NOD1: variants seen among roughly 807,000 people sequenced by gnomAD.
NOD1 encodes the protein nucleotide-binding oligomerization domain-containing protein 1.
A neutral mutation model predicts 81.2 loss-of-function variants in NOD1; 70 were observed. That is an observed-to-expected ratio of 0.86 (90% confidence interval 0.71 to 1.05). NOD1 has a LOEUF of 1.05. Ranked by LOEUF, NOD1 falls within the 50% of genes least tolerant of loss-of-function variation. NOD1 has a pLI of 0.00. For synonymous variants in NOD1, 508 were observed against 526.9 expected (o/e 0.96, Z 0.49); for missense variants, 1,233 against 1,228.0 (o/e 1.00, Z -0.06).
intron 13 of NOD1, 60 bp from the exon 14 acceptor site, chr7:30,425,770 C>A: frequency 4.3e-6 from 5 of 1,157,612 alleles, no homozygotes; most frequent in Non-Finnish European, 6.5e-6. Context: ...CTCGCACACT[C>A]CTTCCCAAGG....
At chr7:30,461,795 G>C (rs1048378915) in intron 1 of NOD1, among the ~76,000 whole-genome samples, 10 of 152,218 alleles carry the variant, frequency 6.6e-5, no homozygotes, top group Admixed American at 2.0e-4. Flanking sequence ...CGGGAGTGCA[G>C]TGGCACAATC....
At position 30,447,019 on chromosome 7, in the gene NOD1, C is replaced by T. The variant is rs1355659799; in HGVS notation, c.2317G>A (p.Ala773Thr). The T allele has an allele frequency of 6.2e-7, 1 of 1,614,182 alleles. No homozygotes were observed. Among genetic ancestry groups the T allele is most frequent in the Non-Finnish European group, 8.5e-7 (1 of 1,180,000 alleles). The change falls in exon 8 of 14, where the codon GCC (alanine) becomes ACC (threonine). Residue 773 changes from alanine to threonine, a missense_variant. Transcript: ENST00000222823. ...LYNNQITDVG[A>T]RYVTKILDEC... Reference sequence around the variant, plus strand: ...TCCAGGATTTTGGTGACGTACCTGGCTCCGACATCGGTGATCTGGTTGTTG... The same window carrying T: ...TCCAGGATTTTGGTGACGTACCTGGTTCCGACATCGGTGATCTGGTTGTTG...
intron 9 of NOD1, among the ~76,000 whole-genome samples, chr7:30,439,345 C>A (rs894086413): frequency 1.8e-4 from 26 of 141,332 alleles, no homozygotes; most frequent in Non-Finnish European, 3.0e-4. Context: ...TCTGAGGTAC[C>A]GGGTTCATCT....
chr7:30,460,241 C>T (rs1786884362), intron 1 of NOD1, 200 bp from the exon 2 acceptor site: 1 of 985,408 alleles, frequency 1.0e-6, no homozygotes, highest in Non-Finnish European at 1.2e-6. Flanking sequence ...AGACCAAAAC[C>T]ATACCATGGG....
At chr7:30,470,310 CA>C (rs1465139621) in intron 1 of NOD1, among the ~76,000 whole-genome samples, 1 of 152,234 alleles carries the variant, frequency 6.6e-6, no homozygotes, top group Non-Finnish European at 1.5e-5. Flanking sequence ...CCGTGACCTA[CA>C]AGAGGGCAGC....
At position 30,452,300 on chromosome 7, in the gene NOD1, G is replaced by T; in HGVS notation, c.1117C>A (p.Arg373Ser). The change falls in exon 6 of 14, where the codon CGC (arginine) becomes AGC (serine). Residue 373 changes from arginine (R) to serine (S), a missense_variant. Transcript: ENST00000222823. ...TTGGCCTCCAGCTGGCTCAGCAGGC[G>T]GTCCTGCAGGGCCCGCTCGGGGAAC... ...RMFPERALQD[R>S]LLSQLEANPN... 6.2e-7 allele frequency: 1 copy of T among 1,613,380 alleles called. No homozygotes were observed. Among genetic ancestry groups the T allele is most frequent in the Non-Finnish European group, 8.5e-7 (1 of 1,179,864 alleles).
At chr7:30,456,140 A>G (rs1199357133) in intron 4 of NOD1, among the ~76,000 whole-genome samples, 1 of 152,242 alleles carries the variant, frequency 6.6e-6, no homozygotes, top group Non-Finnish European at 1.5e-5. Flanking sequence ...GTCTCTTCTG[A>G]GTCCCAGCGG....
At chr7:30,458,226 T>C (rs2975633) in intron 3 of NOD1, among the ~76,000 whole-genome samples, 1 of 151,660 alleles carries the variant, frequency 6.6e-6, no homozygotes, top group Non-Finnish European at 1.5e-5. Flanking sequence ...AATAATTTTT[T>C]AAAAAAATCC....
At position 30,425,256 on chromosome 7, in the gene NOD1, G is replaced by A. The variant is rs5743374; in HGVS notation, c.*382C>T. 3.3e-3 allele frequency: 708 copies of A among 216,434 alleles called. 2 individuals carry two copies. The highest frequency in any genetic ancestry group is 0.023 in the Middle Eastern group (13 of 570). The allele number at this position is 216,434 out of a possible 1,614,324, so 13.4% of individuals were successfully genotyped here. A position where few individuals can be genotyped will look rare whatever the true frequency, so the allele number is the denominator to read the frequency against. ...TCCTCAACTCTTCAATGAAAAGAGC[G>A]GTGACCAACTCGCTCCCGTTGGTCC... is the stretch of plus-strand genomic sequence containing the variant. On this transcript the variant is annotated 3_prime_UTR_variant, in exon 14 of 14. Transcript: ENST00000222823.
At chr7:30,474,710 C>T (rs1031871027) in intron 1 of NOD1, among the ~76,000 whole-genome samples, 3 of 152,168 alleles carry the variant, frequency 2.0e-5, no homozygotes, top group Non-Finnish European at 4.4e-5. Context: ...AAGAGGCCAC[C>T]GACTGGTATT....
Position 30,457,874 on chromosome 7 carries a change from A to C in NOD1, c.-121-832T>G, listed in dbSNP as rs1309114283. Reference sequence around the variant, plus strand: ...TGTTGCCCATTTTGGGTTGTGCTATAACCTCTTCCCCCGTGTCCTTGACCT... The same window carrying C: ...TGTTGCCCATTTTGGGTTGTGCTATCACCTCTTCCCCCGTGTCCTTGACCT... On this transcript the variant is annotated intron_variant, in intron 3 of 13. Transcript: ENST00000222823. Among the ~76,000 whole-genome samples the C allele has an allele frequency of 6.6e-5, 10 of 152,246 alleles. No individual in the cohort carries two copies. In the East Asian group the frequency reaches 1.9e-3, roughly 29 times the overall value.
intron 7 of NOD1, chr7:30,448,027 T>G (rs1785289798): frequency 2.3e-6 from 1 of 442,430 alleles, no homozygotes; most frequent in Non-Finnish European, 4.1e-6. Flanking sequence ...ATATATCCCC[T>G]TATATTCTCG....
chr7:30,441,242 A>AT (rs1459224861), intron 9 of NOD1, among the ~76,000 whole-genome samples: 7 of 39,088 alleles, frequency 1.8e-4, no homozygotes, highest in Non-Finnish European at 1.9e-4. Context: ...ACAGGATCAA[A>AT]TTCACACATA....
intron 9 of NOD1, 79 bp downstream of exon 9, chr7:30,446,062 A>T: frequency 9.5e-7 from 1 of 1,056,338 alleles, no homozygotes; most frequent in Non-Finnish European, 1.5e-6. Flanking sequence ...TGGTGTACTG[A>T]TGTATGAAAA....
chr7:30,433,500 A>T (rs1302217113), intron 11 of NOD1: 1 of 367,540 alleles, frequency 2.7e-6, no homozygotes, highest in Admixed American at 4.4e-5. Flanking sequence ...CAAAGGGCCA[A>T]TGCCTGCTTC....
intron 1 of NOD1, chr7:30,468,871 T>G: frequency 7.1e-6 from 7 of 985,446 alleles, no homozygotes; most frequent in Non-Finnish European, 8.4e-6. Context: ...ACTCTAGTTG[T>G]TGACATGAAC....
In NOD1 at chr7:30,435,851, G is replaced by A. The variant is rs560174640; in HGVS notation, c.2621+147C>T. 8.3e-4 allele frequency: 525 copies of A among 632,988 alleles called. 1 individual carries two copies. Among genetic ancestry groups the A allele is most frequent in the Non-Finnish European group, 1.1e-3 (410 of 360,016 alleles). 39.2% of individuals were successfully genotyped at this position (632,988 alleles called of 1,614,324 possible). ...GTGCATGCCTATAGTCTCAGGACTCGGAAGGCCAAGGCGGGAGGTTCGAAT... is the reference window on the plus strand; with the variant it reads ...GTGCATGCCTATAGTCTCAGGACTCAGAAGGCCAAGGCGGGAGGTTCGAAT... On this transcript the variant is annotated intron_variant, in intron 11 of 13. Coordinates refer to ENST00000222823, the MANE Select transcript of NOD1 (RefSeq NM_006092.4).
At chr7:30,462,008 G>C (rs1388392240) in intron 1 of NOD1, among the ~76,000 whole-genome samples, 2 of 152,184 alleles carry the variant, frequency 1.3e-5, no homozygotes, top group Non-Finnish European at 2.9e-5. Context: ...AAAGTGCTGG[G>C]ATTACAGGTG....
At chr7:30,460,197 C>G in intron 1 of NOD1, 156 bp from the exon 2 acceptor site, 1 of 970,220 alleles carries the variant, frequency 1.0e-6, no homozygotes, top group Non-Finnish European at 1.2e-6. Context: ...AGCAGAGAAA[C>G]TGAACTCTGC....
Sources: gnomAD v4.1 joint callset for allele counts (sites outside exome capture counted in the v4.1 genomes callset) on GRCh38, gnomAD v4.1.1 for gene constraint, MANE v1.5 for transcripts, NCBI Gene and HGNC (gene_info 2026-07-23, HGNC 2026-07-21) for gene names.